The following NEGR1 variants were observed in gnomAD, a reference collection of about 807,000 sequenced individuals.
NEGR1 encodes the protein neuronal growth regulator 1, also known as IgLON family member 4.
NEGR1 carries 10 observed loss-of-function variants against 40.9 expected under a neutral mutation model. The ratio of observed to expected loss-of-function variants is 0.24; its 90% CI spans 0.15 to 0.42. The LOEUF (loss-of-function observed/expected upper bound fraction) is 0.42, where lower values mean the gene tolerates loss of function less well. Ranked by LOEUF, NEGR1 falls within the 10% of genes least tolerant of loss-of-function variation. The probability of loss-of-function intolerance (pLI) is 1.00; values close to 1 mark genes in which losing one functional copy is unlikely to be tolerated. For missense variants in NEGR1, 352 were observed against 438.9 expected (o/e 0.80, Z 1.77); for synonymous variants, 185 against 166.8 (o/e 1.11, Z -0.84).
intron 1 of NEGR1, among the ~76,000 whole-genome samples, chr1:72,104,290 C>G (rs908306012): frequency 6.6e-6 from 1 of 152,102 alleles, no homozygotes; most frequent in Non-Finnish European, 1.5e-5. Flanking sequence ...CTTGGATTAT[C>G]TGGTTGGGCC....
Position 72,112,413 on chromosome 1 carries a change from CCATT to C in NEGR1, c.176+169902_176+169905del, listed in dbSNP as rs1320286246. Reference sequence around the variant, plus strand: ...AAAATTTATTTTTTCCATAATATATCCATTGTTTTCACATTTTATTTTATAATAT... The same window carrying C: ...AAAATTTATTTTTTCCATAATATATCGTTTTCACATTTTATTTTATAATAT... On this transcript the variant is annotated intron_variant, in intron 1 of 6. Coordinates refer to ENST00000357731, the MANE Select transcript of NEGR1 (RefSeq NM_173808.3). Among the ~76,000 whole-genome samples the C allele has an allele frequency of 3.3e-5, 5 of 151,548 alleles. No individual in the cohort carries two copies. The Admixed American group carries it at 3.3e-4, about 10-fold the overall frequency.
chr1:71,397,285 A>T lies in NEGR1; in HGVS notation c.*10161T>A, dbSNP rs555129333. On this transcript the variant is annotated 3_prime_UTR_variant, in exon 7 of 7. Transcript: ENST00000357731. ...AAATTTCTAAGCAGCAAAGCATTCA[A>T]CAGGTGACTTGGGTGTTGTTAAAGG... 1 of 154,518 alleles carries T rather than the reference A, an allele frequency of 6.5e-6. No individual in the cohort carries two copies. The highest frequency in any genetic ancestry group is 1.9e-4 in the East Asian group (1 of 5,236). 9.6% of individuals were successfully genotyped at this position (154,518 alleles called of 1,614,324 possible).
At chr1:71,647,139 C>T (rs1418860422) in intron 4 of NEGR1, among the ~76,000 whole-genome samples, 5 of 151,728 alleles carry the variant, frequency 3.3e-5, no homozygotes, top group Non-Finnish European at 7.4e-5. Flanking sequence ...GTTCAGGGCT[C>T]TTTGGACTCA....
intron 1 of NEGR1, among the ~76,000 whole-genome samples, chr1:72,026,110 CAAAAAAAAAAAAAAAAAA>C (rs1172589239): frequency 3.7e-3 from 115 of 31,150 alleles, no homozygotes; most frequent in Admixed American, 1.1e-3. Context: ...GACTCCGTCT[CAAAAAAAAAAAAAAAAAA>C]AAAAAAAAAA....
intron 1 of NEGR1, among the ~76,000 whole-genome samples, chr1:72,239,045 G>C (rs1419922697): frequency 6.6e-6 from 1 of 151,740 alleles, no homozygotes; most frequent in Non-Finnish European, 1.5e-5. Context: ...CCAAACTATT[G>C]AGAGATATCT....
At chr1:71,803,655 C>T (rs1007777337) in intron 2 of NEGR1, among the ~76,000 whole-genome samples, 1 of 151,980 alleles carries the variant, frequency 6.6e-6, no homozygotes, top group Non-Finnish European at 1.5e-5. Flanking sequence ...ATTATTTGTC[C>T]AAATATAACC....
At chr1:72,208,065 C>A (rs1039364057) in intron 1 of NEGR1, among the ~76,000 whole-genome samples, 1 of 151,522 alleles carries the variant, frequency 6.6e-6, no homozygotes, top group African/African-American at 2.4e-5. Context: ...AAAAGTTGAT[C>A]GGTTTTTCCT....
intron 6 of NEGR1, among the ~76,000 whole-genome samples, chr1:71,458,984 C>T (rs1350845952): frequency 6.6e-6 from 1 of 152,048 alleles, no homozygotes. Context: ...CAAATCAAAC[C>T]AAGTTCCAGA....
At chr1:71,861,862 T>C (rs1385304196) in intron 2 of NEGR1, among the ~76,000 whole-genome samples, 1 of 152,040 alleles carries the variant, frequency 6.6e-6, no homozygotes, top group Admixed American at 6.6e-5. Context: ...CAGATTTCAC[T>C]GTAAGAAAAG....
At chr1:71,653,497 T>G (rs772917149) in intron 4 of NEGR1, among the ~76,000 whole-genome samples, 2 of 152,200 alleles carry the variant, frequency 1.3e-5, no homozygotes, top group Non-Finnish European at 2.9e-5. Context: ...GCTTATTTCT[T>G]TGTATTAGAT....
rs117928779 is a variant in NEGR1, at chr1:71,813,078, G to A, written c.410-36781C>T. Among the ~76,000 whole-genome samples the A allele has an allele frequency of 5.2e-4, 79 of 152,168 alleles. 1 individual carries two copies. In the East Asian group the frequency reaches 0.014, roughly 27 times the overall value. ...TTACAAATTTGGATTTTATATTTAA[G>A]TCTTTAATCCATCTTGAGTCAATTT... On this transcript the variant is annotated intron_variant, in intron 2 of 6. Transcript: ENST00000357731.
intron 6 of NEGR1, among the ~76,000 whole-genome samples, chr1:71,498,427 A>G (rs1388332094): frequency 2.0e-5 from 3 of 152,036 alleles, no homozygotes; most frequent in Non-Finnish European, 4.4e-5. Flanking sequence ...TCTTCTGGAT[A>G]TAAAGAAAAG....
intron 2 of NEGR1, among the ~76,000 whole-genome samples, chr1:71,788,053 A>T (rs536096306): frequency 1.0e-3 from 156 of 152,340 alleles, no homozygotes; most frequent in African/African-American, 3.5e-3. Flanking sequence ...CCAGAAACTT[A>T]ATGATAAAAC....
chr1:71,723,670 G>A (rs182063905), intron 3 of NEGR1, among the ~76,000 whole-genome samples: 6 of 151,986 alleles, frequency 3.9e-5, no homozygotes, highest in Admixed American at 1.3e-4. Flanking sequence ...CACTTGTATC[G>A]TTTATAATAA....
At chr1:72,055,335 C>G (rs148906533) in intron 1 of NEGR1, among the ~76,000 whole-genome samples, 1 of 151,138 alleles carries the variant, frequency 6.6e-6, no homozygotes, top group Admixed American at 6.6e-5. Flanking sequence ...TAACCTGAAC[C>G]TAATTTCAAT....
intron 1 of NEGR1, among the ~76,000 whole-genome samples, chr1:72,044,296 T>C (rs1646981653): frequency 7.8e-6 from 1 of 127,884 alleles, no homozygotes; most frequent in Non-Finnish European, 1.7e-5. Flanking sequence ...CAATGATAAA[T>C]GCAATAAAAC....
chr1:71,610,449 C>T (rs953218944), intron 5 of NEGR1, among the ~76,000 whole-genome samples: 2 of 152,166 alleles, frequency 1.3e-5, no homozygotes, highest in Admixed American at 6.5e-5. Flanking sequence ...TTTGGGTCTT[C>T]TCAAGGGAGT....
intron 6 of NEGR1, among the ~76,000 whole-genome samples, chr1:71,560,758 C>A (rs1348276547): frequency 1.3e-5 from 2 of 151,224 alleles, no homozygotes; most frequent in Admixed American, 6.6e-5. Context: ...TGTATGATAT[C>A]CTTTACATAG....
intron 1 of NEGR1, among the ~76,000 whole-genome samples, chr1:72,179,716 C>T (rs1274462054): frequency 1.3e-5 from 2 of 151,532 alleles, no homozygotes; most frequent in African/African-American, 2.4e-5. Context: ...AACCAATAGA[C>T]AAAAATAAGT....
Sources: gnomAD v4.1 joint callset for allele counts (sites outside exome capture counted in the v4.1 genomes callset) on GRCh38, gnomAD v4.1.1 for gene constraint, MANE v1.5 for transcripts, NCBI Gene and HGNC (gene_info 2026-07-23, HGNC 2026-07-21) for gene names.